The following FUT8 variants were observed in gnomAD, a reference collection of about 807,000 sequenced individuals.
FUT8 encodes the protein alpha-(1,6)-fucosyltransferase.
FUT8 carries 29 observed loss-of-function variants against 71.3 expected under a neutral mutation model. The ratio of observed to expected loss-of-function variants is 0.41; its 90% CI spans 0.30 to 0.55. FUT8 has a LOEUF of 0.55. Ranked by LOEUF, FUT8 falls within the 20% of genes least tolerant of loss-of-function variation. The pLI is 0.34. For synonymous variants in FUT8, 254 were observed against 239.3 expected, an observed-to-expected ratio of 1.06 and a Z score of -0.57; for missense variants, 544 against 702.1, an observed-to-expected ratio of 0.77 and a Z score of 2.55.
chr14:65,729,034 G>GTTTTTTTTT (rs557668131), intron 9 of FUT8, among the ~76,000 whole-genome samples: 9 of 103,678 alleles, frequency 8.7e-5, no homozygotes, highest in East Asian at 5.8e-4. Context: ...TTGTAAACAT[G>GTTTTTTTTT]TTTTTTTTTT....
chr14:65,644,128 G>GAGT (rs1891001599), intron 6 of FUT8, among the ~76,000 whole-genome samples: 1 of 152,134 alleles, frequency 6.6e-6, no homozygotes. Flanking sequence ...AAGAATTAGG[G>GAGT]AGTAGCAAGA....
At chr14:65,677,151 TGCGC>T (rs1555383259) in intron 7 of FUT8, among the ~76,000 whole-genome samples, 3 of 110,702 alleles carry the variant, frequency 2.7e-5, no homozygotes, top group Non-Finnish European at 3.6e-5. Flanking sequence ...TGTGTGTGTG[TGCGC>T]GCGCGCATGC....
At chr14:65,739,126 A>G (rs1896369559) in intron 10 of FUT8, among the ~76,000 whole-genome samples, 1 of 152,050 alleles carries the variant, frequency 6.6e-6, no homozygotes, top group Non-Finnish European at 1.5e-5. Flanking sequence ...AGTACCTCAC[A>G]GGTTTGTCAT....
chr14:65,613,988 C>A (rs1020498793), intron 3 of FUT8, among the ~76,000 whole-genome samples: 2 of 151,962 alleles, frequency 1.3e-5, no homozygotes, highest in African/African-American at 4.8e-5. Context: ...GTGGTGCATT[C>A]CCGTAATCCC....
chr14:65,656,910 G>T (rs1594867907), intron 6 of FUT8, among the ~76,000 whole-genome samples: 1 of 152,258 alleles, frequency 6.6e-6, no homozygotes, highest in East Asian at 1.9e-4. Context: ...GGAAAGGAAA[G>T]TCTCTTCAAT....
the FUT8 span, among the ~76,000 whole-genome samples, chr14:65,370,643 T>C: frequency 4.2e-3 from 628 of 150,584 alleles, 32 homozygotes; most frequent in East Asian, 0.098. Context: ...AATTTGTCTA[T>C]ATATAAATTA....
At chr14:65,648,647 G>C (rs1187263659) in intron 6 of FUT8, among the ~76,000 whole-genome samples, 1 of 152,112 alleles carries the variant, frequency 6.6e-6, no homozygotes, top group East Asian at 1.9e-4. Context: ...TAAATATTGG[G>C]ACCAAATCCC....
intron 10 of FUT8, among the ~76,000 whole-genome samples, chr14:65,737,342 T>C (rs991354519): frequency 2.0e-5 from 3 of 152,144 alleles, no homozygotes; most frequent in African/African-American, 7.2e-5. Context: ...GGATTTAATA[T>C]GAAAATTGGA....
At chr14:65,523,977 C>T (rs1029088736) in intron 2 of FUT8, among the ~76,000 whole-genome samples, 93 of 152,202 alleles carry the variant, frequency 6.1e-4, no homozygotes, top group African/African-American at 2.1e-3. Flanking sequence ...TTACTGTAGC[C>T]TTGTAGTATA....
At chr14:65,441,871 C>T (rs1023181770) in intron 1 of FUT8, among the ~76,000 whole-genome samples, 1 of 149,336 alleles carries the variant, frequency 6.7e-6, no homozygotes, top group African/African-American at 2.5e-5. Context: ...CATATGTATA[C>T]ATGTGCCATG....
intron 6 of FUT8, among the ~76,000 whole-genome samples, chr14:65,650,977 C>G (rs1891380167): frequency 6.6e-6 from 1 of 152,116 alleles, no homozygotes; most frequent in Non-Finnish European, 1.5e-5. Flanking sequence ...ATGAGGGTGC[C>G]CCTCCCACTC....
At chr14:65,470,550 G>T (rs1359832417) in intron 2 of FUT8, among the ~76,000 whole-genome samples, 1 of 152,240 alleles carries the variant, frequency 6.6e-6, no homozygotes, top group Non-Finnish European at 1.5e-5. Flanking sequence ...CGGGGCAGGG[G>T]TGACATCGCC....
Position 65,551,208 on chromosome 14 carries a change from C to T in FUT8, c.-227-10129C>T, listed in dbSNP as rs146282344. Among the ~76,000 whole-genome samples the T allele has an allele frequency of 2.9e-3, 448 of 152,282 alleles. 5 individuals are homozygous for T. The highest frequency in any genetic ancestry group is 9.8e-3 in the African/African-American group (408 of 41,546). Reference sequence around the variant, plus strand: ...CATCTTCTGGCCTCAGCATCAAAGTCAAGCTGCTTGAATATGATTCTTGGA... The same window carrying T: ...CATCTTCTGGCCTCAGCATCAAAGTTAAGCTGCTTGAATATGATTCTTGGA... On this transcript the variant is annotated intron_variant, in intron 2 of 10. Coordinates refer to ENST00000673929, the MANE Select transcript of FUT8 (RefSeq NM_001371533.1).
chr14:65,463,224 TTTCTA>T (rs2065993388), intron 2 of FUT8, among the ~76,000 whole-genome samples: 1 of 152,218 alleles, frequency 6.6e-6, no homozygotes, highest in Non-Finnish European at 1.5e-5. Context: ...TCTATTCACA[TTTCTA>T]TTCTAGTCAA....
chr14:65,377,231 C>T, the FUT8 span, among the ~76,000 whole-genome samples: 1 of 152,028 alleles, frequency 6.6e-6, no homozygotes, highest in African/African-American at 2.4e-5. Context: ...CCTCTAGCTC[C>T]CTAGAGTATA....
chr14:65,404,889 T>C, the FUT8 span, among the ~76,000 whole-genome samples: 3 of 152,376 alleles, frequency 2.0e-5, no homozygotes, highest in South Asian at 2.1e-4. Flanking sequence ...AATGGTATTA[T>C]TGTATCAATA....
chr14:65,675,683 A>G (rs1374226567), intron 7 of FUT8, among the ~76,000 whole-genome samples: 1 of 152,186 alleles, frequency 6.6e-6, no homozygotes. Flanking sequence ...GCGTTTGACC[A>G]GAGCACATTA....
At chr14:65,608,301 G>A (rs145245607) in intron 3 of FUT8, among the ~76,000 whole-genome samples, 1,972 of 151,708 alleles carry the variant, frequency 0.013, 55 homozygotes, top group Non-Finnish European at 0.02. Context: ...TTGTGCCTAC[G>A]TTCTTTTTCT....
chr14:65,555,634 C>T (rs1249953834), intron 2 of FUT8, among the ~76,000 whole-genome samples: 1 of 152,178 alleles, frequency 6.6e-6, no homozygotes, highest in Non-Finnish European at 1.5e-5. Context: ...TGCTGGTGTT[C>T]AGCAAATGCT....
Sources: allele counts gnomAD v4.1 joint callset (sites outside exome capture counted in the v4.1 genomes callset), GRCh38; gene constraint gnomAD v4.1.1; transcripts MANE v1.5; gene names NCBI Gene and HGNC (gene_info 2026-07-23, HGNC 2026-07-21).